DMXL1: variants seen among roughly 807,000 people sequenced by gnomAD.
DMXL1 encodes the protein Dmx like 1, also known as dmX-like protein 1.
A neutral mutation model predicts 319.2 loss-of-function variants in DMXL1; 99 were observed. The observed-to-expected ratio is 0.31, with a 90% CI of 0.26 to 0.37. The LOEUF (loss-of-function observed/expected upper bound fraction) is 0.37. DMXL1 is among the 10% of genes least tolerant of loss of function. The pLI, the probability that DMXL1 is intolerant of heterozygous loss-of-function variation, is 1.00. For missense variants in DMXL1, 3,745 were observed against 3,595.6 expected, an observed-to-expected ratio of 1.04 and a Z score of -1.06; for synonymous variants, 1,385 against 1,235.2, an observed-to-expected ratio of 1.12 and a Z score of -2.54.
chr5:119,211,383 A>G (rs946503086), intron 34 of DMXL1, among the ~76,000 whole-genome samples: 2 of 152,294 alleles, frequency 1.3e-5, no homozygotes, highest in South Asian at 2.1e-4. Flanking sequence ...TGACAAATTT[A>G]ATTTCTTTAA....
At chr5:119,246,964 T>A in intron 43 of DMXL1, 31 bp from the exon 44 acceptor site, 3 of 1,524,250 alleles carry the variant, frequency 2.0e-6, no homozygotes, top group Non-Finnish European at 2.7e-6. Context: ...TCATCAACCC[T>A]AATTTTCCGT....
At chr5:119,221,642 C>A (rs1784662363) in intron 37 of DMXL1, among the ~76,000 whole-genome samples, 1 of 151,988 alleles carries the variant, frequency 6.6e-6, no homozygotes, top group African/African-American at 2.4e-5. Flanking sequence ...AAAGTAAATG[C>A]CCATAAAGCC....
At chr5:119,163,276 G>C (rs777491996) in intron 19 of DMXL1, among the ~76,000 whole-genome samples, 9 of 152,114 alleles carry the variant, frequency 5.9e-5, no homozygotes, top group African/African-American at 2.2e-4. Flanking sequence ...AAGAGACAAC[G>C]TAACTTATCC....
chr5:119,073,944 G>A (rs1183559324), intron 1 of DMXL1, among the ~76,000 whole-genome samples: 1 of 151,044 alleles, frequency 6.6e-6, no homozygotes, highest in Admixed American at 6.6e-5. Flanking sequence ...TTGAGACGGA[G>A]TTTCGCTGTC....
At chr5:119,237,492 G>T (rs1787972337) in intron 40 of DMXL1, 78 bp downstream of exon 40, 2 of 854,682 alleles carry the variant, frequency 2.3e-6, no homozygotes, top group Non-Finnish European at 3.9e-6. Flanking sequence ...TTTGAGACAA[G>T]AAATATAGAA....
chr5:119,087,697 T>C (rs1753686069), intron 1 of DMXL1, among the ~76,000 whole-genome samples: 1 of 152,194 alleles, frequency 6.6e-6, no homozygotes, highest in African/African-American at 2.4e-5. Context: ...ACTGATGTTC[T>C]TTGTTGATTC....
chr5:119,190,786 G>A (rs1250009044), intron 29 of DMXL1, among the ~76,000 whole-genome samples: 1 of 152,178 alleles, frequency 6.6e-6, no homozygotes. Flanking sequence ...GTGATAAAAT[G>A]ATGAAGATGT....
At chr5:119,088,776 A>G (rs536771650) in intron 1 of DMXL1, among the ~76,000 whole-genome samples, 2 of 152,298 alleles carry the variant, frequency 1.3e-5, no homozygotes, top group Admixed American at 6.5e-5. Flanking sequence ...ATAAAATGCT[A>G]TACTCACATT....
intron 1 of DMXL1, among the ~76,000 whole-genome samples, chr5:119,075,675 T>C (rs995385707): frequency 2.0e-5 from 3 of 152,160 alleles, no homozygotes; most frequent in Admixed American, 2.0e-4. Context: ...CATGCCTTTT[T>C]CCTTGTTAAT....
chr5:119,100,631 G>A (rs1220567481), intron 2 of DMXL1: 1 of 151,624 alleles, frequency 6.6e-6, no homozygotes, highest in East Asian at 1.9e-4. Context: ...TTGGTGTGAG[G>A]CCTTTTACAA....
At chr5:119,159,175 A>G (rs1370643821) in intron 19 of DMXL1, among the ~76,000 whole-genome samples, 1 of 151,828 alleles carries the variant, frequency 6.6e-6, no homozygotes, top group Non-Finnish European at 1.5e-5. Flanking sequence ...TCTGTCACCC[A>G]ACGCTGGAGT....
intron 8 of DMXL1, among the ~76,000 whole-genome samples, chr5:119,119,425 T>C (rs1366053816): frequency 6.6e-6 from 1 of 152,208 alleles, no homozygotes; most frequent in Admixed American, 6.5e-5. Flanking sequence ...ATATTGAAAG[T>C]AAAAGTCAAT....
At chr5:119,101,690 A>C (rs1757309819) in intron 2 of DMXL1, among the ~76,000 whole-genome samples, 1 of 152,188 alleles carries the variant, frequency 6.6e-6, no homozygotes. Flanking sequence ...GTAGTGTTGT[A>C]CATATTATGA....
At chr5:119,113,692 T>G (rs1252253184) in intron 5 of DMXL1, among the ~76,000 whole-genome samples, 3 of 152,216 alleles carry the variant, frequency 2.0e-5, no homozygotes, top group Non-Finnish European at 2.9e-5. Flanking sequence ...GAGGAAAGGA[T>G]GTGGTGGTAC....
intron 1 of DMXL1, among the ~76,000 whole-genome samples, chr5:119,076,210 C>T (rs1329358347): frequency 6.6e-6 from 1 of 152,080 alleles, no homozygotes; most frequent in African/African-American, 2.4e-5. Context: ...GTGTTTCTAG[C>T]TAAGGGAATC....
chr5:119,208,178 G>A (rs1581333122), intron 34 of DMXL1, among the ~76,000 whole-genome samples: 1 of 147,604 alleles, frequency 6.8e-6, no homozygotes, highest in Non-Finnish European at 1.5e-5. Flanking sequence ...GGGTTTTGAT[G>A]ATTACTTATT....
At chr5:119,189,681 A>C in intron 28 of DMXL1, 27 bp from the exon 29 acceptor site, 1 of 1,605,234 alleles carries the variant, frequency 6.2e-7, no homozygotes, top group African/African-American at 1.3e-5. Flanking sequence ...ATAGTACTTC[A>C]GTAACATTTT....
rs921179854 is a variant in DMXL1, at chr5:119,248,987, G to A, written c.*1768G>A. On this transcript the variant is annotated 3_prime_UTR_variant, in exon 44 of 44. Transcript: ENST00000539542. ...AATGAGATAAAATATTTACTATTAT[G>A]CTTATTAGAACAAAAGGTGTTTAAG... The A allele has an allele frequency of 2.0e-4, 30 of 152,452 alleles. No homozygotes were observed. Among genetic ancestry groups the A allele is most frequent in the African/African-American group, 7.2e-4 (30 of 41,436 alleles). The allele number at this position is 152,452 out of a possible 1,614,324, so 9.4% of individuals were successfully genotyped here.
At chr5:119,206,984 G>C (rs1781857698) in intron 34 of DMXL1, 88 bp downstream of exon 34, 1 of 737,778 alleles carries the variant, frequency 1.4e-6, no homozygotes, top group Non-Finnish European at 2.2e-6. Context: ...ACTGGTCTTT[G>C]TTTCCAATGG....
Sources: gnomAD v4.1 joint callset for allele counts (sites outside exome capture counted in the v4.1 genomes callset) on GRCh38, gnomAD v4.1.1 for gene constraint, MANE v1.5 for transcripts, NCBI Gene and HGNC (gene_info 2026-07-23, HGNC 2026-07-21) for gene names.